Variants in GRIK5 observed in about 807,000 individuals in gnomAD.
GRIK5 encodes glutamate ionotropic receptor kainate type subunit 5.
GRIK5 carries 43 observed loss-of-function variants against 97.4 expected under a neutral mutation model. The ratio of observed to expected loss-of-function variants is 0.44; its 90% CI spans 0.35 to 0.57. The LOEUF is 0.57. GRIK5 is among the 20% of genes least tolerant of loss of function. The pLI, the probability that GRIK5 is intolerant of heterozygous loss-of-function variation, is 0.01. For synonymous variants in GRIK5, 580 were observed against 583.5 expected (o/e 0.99, Z 0.09); for missense variants, 1,015 against 1,382.0 (o/e 0.73, Z 4.21).
At chr19:42,068,824 T>C (rs1245396518) in intron 1 of GRIK5, 3 of 644,556 alleles carry the variant, frequency 4.7e-6, no homozygotes, top group East Asian at 2.9e-5. Context: ...ATCCAGGAGA[T>C]AGAGACTGGA....
chr19:42,066,071 G>A (rs990306711), intron 1 of GRIK5, among the ~76,000 whole-genome samples: 1 of 152,176 alleles, frequency 6.6e-6, no homozygotes, highest in African/African-American at 2.4e-5. Context: ...CAGGCTGCAA[G>A]AGAGAGGATG....
chr19:42,026,320 G>A (rs1450398899), intron 12 of GRIK5, among the ~76,000 whole-genome samples: 1 of 151,136 alleles, frequency 6.6e-6, no homozygotes, highest in Non-Finnish European at 1.5e-5. Context: ...TTTAGACCAA[G>A]TCTTGCTCTG....
intron 12 of GRIK5, among the ~76,000 whole-genome samples, chr19:42,023,712 G>T (rs1008544513): frequency 6.6e-6 from 1 of 152,176 alleles, no homozygotes; most frequent in Non-Finnish European, 1.5e-5. Flanking sequence ...CAAGGACAGG[G>T]GCTCTGCTCC....
At chr19:42,049,333 G>A (rs749798181) in intron 11 of GRIK5, among the ~76,000 whole-genome samples, 60 of 152,170 alleles carry the variant, frequency 3.9e-4, no homozygotes, top group Non-Finnish European at 7.2e-4. Flanking sequence ...ACCAGTACAT[G>A]TTCACCAAAA....
chr19:42,051,844 C>T (rs776315825), intron 11 of GRIK5, among the ~76,000 whole-genome samples: 40 of 152,164 alleles, frequency 2.6e-4, no homozygotes, highest in African/African-American at 8.7e-4. Context: ...CCCCTCCTGC[C>T]GCTCCTGCTG....
At chr19:42,052,406 G>A (rs891289513) in intron 11 of GRIK5, among the ~76,000 whole-genome samples, 2 of 152,098 alleles carry the variant, frequency 1.3e-5, no homozygotes, top group African/African-American at 2.4e-5. Context: ...GAGGCTGTTA[G>A]GAGGTGTCTG....
Position 42,021,264 on chromosome 19 carries a change from C to G in GRIK5, c.1871+37G>C. 1 of 1,579,142 alleles carries G rather than the reference C, an allele frequency of 6.3e-7. No individual in the cohort carries two copies. The highest frequency in any genetic ancestry group is 8.6e-7 in the Non-Finnish European group (1 of 1,159,310). On this transcript the variant is annotated intron_variant, in intron 15 of 19. Coordinates refer to ENST00000593562, the MANE Select transcript of GRIK5 (RefSeq NM_002088.5). The surrounding 1 kb of genome is among the most constrained non-coding windows in gnomAD (Gnocchi z 4.2). ...CATCCAGGCCTCAGATGGGTCCCTC[C>G]CTCGCCCCGGGCAGAGGCAGATAGA...
At position 41,999,332 on chromosome 19, in the gene GRIK5, G is replaced by T; in HGVS notation, c.2515-33C>A. ...TGGCGCGGGCGGTCACCGTCCCGGCGCAGTCCGCCTCCCGCCTCCCCCAGC... is the reference window on the plus strand; with the variant it reads ...TGGCGCGGGCGGTCACCGTCCCGGCTCAGTCCGCCTCCCGCCTCCCCCAGC... On this transcript the variant is annotated intron_variant, in intron 19 of 19. Coordinates refer to ENST00000593562, the MANE Select transcript of GRIK5 (RefSeq NM_002088.5). This position sits in a 1 kb window ranked among gnomAD's most constrained non-coding sequence, Gnocchi z 5.0. 2.7e-6 allele frequency: 4 copies of T among 1,471,566 alleles called. No homozygotes were observed. Among genetic ancestry groups the T allele is most frequent in the Non-Finnish European group, 3.6e-6 (4 of 1,112,394 alleles). The allele number at this position is 1,471,566 out of a possible 1,614,324, so 91.2% of individuals were successfully genotyped here. A position where few individuals can be genotyped will look rare whatever the true frequency, so the allele number is the denominator to read the frequency against.
chr19:42,011,132 C>T (rs2075556635), intron 15 of GRIK5, among the ~76,000 whole-genome samples: 2 of 151,804 alleles, frequency 1.3e-5, no homozygotes, highest in African/African-American at 4.8e-5. Context: ...CACACACACA[C>T]ACACACACAC....
chr19:42,061,288 C>T (rs2146172587), intron 5 of GRIK5, among the ~76,000 whole-genome samples: 1 of 152,328 alleles, frequency 6.6e-6, no homozygotes, highest in South Asian at 2.1e-4. Context: ...TCATGATTCG[C>T]CCGCCTCGGC....
intron 15 of GRIK5, among the ~76,000 whole-genome samples, chr19:42,010,204 A>G (rs1229158769): frequency 6.6e-6 from 1 of 152,172 alleles, no homozygotes; most frequent in Non-Finnish European, 1.5e-5. Context: ...TACCTATGTG[A>G]CTGGAGTTCC....
chr19:42,037,854 C>T (rs2075928038), intron 12 of GRIK5, among the ~76,000 whole-genome samples: 1 of 152,228 alleles, frequency 6.6e-6, no homozygotes, highest in African/African-American at 2.4e-5. Flanking sequence ...CCTTGACGGC[C>T]AGCTCAGCTC....
At chr19:42,055,604 A>T (rs902661843) in intron 8 of GRIK5, among the ~76,000 whole-genome samples, 27 of 152,220 alleles carry the variant, frequency 1.8e-4, no homozygotes, top group Non-Finnish European at 4.0e-4. Flanking sequence ...ACAGTAAGCC[A>T]CATCGTGATG....
At chr19:42,029,950 TA>T (rs2075821289) in intron 12 of GRIK5, among the ~76,000 whole-genome samples, 1 of 152,196 alleles carries the variant, frequency 6.6e-6, no homozygotes, top group African/African-American at 2.4e-5. Context: ...GGCCCTCCTC[TA>T]AGCTTCTAAG....
intron 12 of GRIK5, among the ~76,000 whole-genome samples, chr19:42,031,471 A>G (rs563115931): frequency 6.6e-6 from 1 of 152,300 alleles, no homozygotes. Flanking sequence ...TATACAACCA[A>G]GAACTGGGAA....
intron 17 of GRIK5, among the ~76,000 whole-genome samples, chr19:42,004,780 A>G (rs782572000): frequency 3.3e-5 from 5 of 152,090 alleles, no homozygotes; most frequent in Non-Finnish European, 7.4e-5. Context: ...CACCTGGCTA[A>G]TTTTTTAATT....
rs1348753255 is a variant in GRIK5 at position 42,053,717 on chromosome 19, G to T, written c.1162-8C>A. 1.3e-6 allele frequency: 2 copies of T among 1,585,180 alleles called. No homozygotes were observed. Among genetic ancestry groups the T allele is most frequent in the East Asian group, 2.2e-5 (1 of 44,732 alleles). ...AGAGTACCACACCCCAATCTAGGGGGCAGAGAGGGTGCTGTCAGCTCAGGC... is the reference window on the plus strand; with the variant it reads ...AGAGTACCACACCCCAATCTAGGGGTCAGAGAGGGTGCTGTCAGCTCAGGC... On this transcript the variant is annotated splice_region_variant and splice_polypyrimidine_tract_variant and intron_variant, in intron 10 of 19. Coordinates refer to ENST00000593562, the MANE Select transcript of GRIK5 (RefSeq NM_002088.5).
Position 42,022,072 on chromosome 19 carries a change from G to A in GRIK5, c.1588-16C>T, listed in dbSNP as rs768692558. The stretch of plus-strand genomic sequence containing the variant: ...GCTTGCGGCCCTGTGGGGAGAGGGA[G>A]TGAGACCCGGAGACACCCCTGGCCT... On this transcript the variant is annotated splice_polypyrimidine_tract_variant and intron_variant, in intron 13 of 19. Coordinates refer to ENST00000593562, the MANE Select transcript of GRIK5 (RefSeq NM_002088.5). The surrounding 1 kb of genome is among the most constrained non-coding windows in gnomAD (Gnocchi z 4.2). The A allele has an allele frequency of 3.2e-6, 5 of 1,576,066 alleles. No individual in the cohort carries two copies. The African/African-American group carries it at 5.4e-5, about 17-fold the overall frequency.
rs1222139353 is a variant in GRIK5 at position 42,038,922 on chromosome 19, G to A, written c.1473+3630C>T. On this transcript the variant is annotated intron_variant, in intron 12 of 19. Coordinates refer to ENST00000593562, the MANE Select transcript of GRIK5 (RefSeq NM_002088.5). ...TTCACGCTCCAGCTCCTCCTCCAGT[G>A]TTCTCCCTGTAAATGTCATTGCCAT... 2.6e-5 allele frequency among the ~76,000 whole-genome samples: 4 copies of A among 152,088 alleles called. No homozygotes were observed. The East Asian group carries it at 7.7e-4, about 29-fold the overall frequency.
Sources: allele counts gnomAD v4.1 joint callset (sites outside exome capture counted in the v4.1 genomes callset), GRCh38; gene constraint gnomAD v4.1.1; non-coding constraint Gnocchi (gnomAD v3.1); transcripts MANE v1.5; gene names NCBI Gene and HGNC (gene_info 2026-07-23, HGNC 2026-07-21).